Variants in UVRAG observed in about 807,000 individuals in gnomAD.
UVRAG encodes the protein UV radiation resistance-associated gene protein.
In UVRAG, 19 loss-of-function variants were observed where a neutral mutation model predicts 78.0. That is an observed-to-expected ratio of 0.24 (90% confidence interval 0.17 to 0.36). UVRAG has a LOEUF of 0.36. UVRAG is among the 10% of genes least tolerant of loss of function. The pLI is 1.00. For missense variants in UVRAG, 740 were observed against 853.8 expected, an observed-to-expected ratio of 0.87 and a Z score of 1.66; for synonymous variants, 323 against 324.6, an observed-to-expected ratio of 1.00 and a Z score of 0.05.
intron 1 of UVRAG, among the ~76,000 whole-genome samples, chr11:75,847,328 T>G (rs1946057336): frequency 1.3e-5 from 2 of 151,958 alleles, no homozygotes; most frequent in South Asian, 4.2e-4. Context: ...GGTTTCACCA[T>G]ATTGGCCAGG....
chr11:76,020,907 G>A (rs1565123442), intron 12 of UVRAG, among the ~76,000 whole-genome samples: 1 of 152,110 alleles, frequency 6.6e-6, no homozygotes, highest in Admixed American at 6.5e-5. Context: ...TGGGATGGGC[G>A]ATTCCCCTCT....
intron 14 of UVRAG, among the ~76,000 whole-genome samples, chr11:76,120,563 A>C (rs970864288): frequency 6.6e-6 from 1 of 152,162 alleles, no homozygotes; most frequent in African/African-American, 2.4e-5. Flanking sequence ...CAGCAAACCC[A>C]TTAAGCTCCA....
intron 5 of UVRAG, among the ~76,000 whole-genome samples, chr11:75,910,662 T>C (rs561699992): frequency 2.1e-4 from 32 of 151,992 alleles, no homozygotes; most frequent in African/African-American, 7.7e-4. Context: ...GACAGGGGAA[T>C]TGCAATAGGG....
chr11:76,032,612 A>G (rs1950455805), intron 12 of UVRAG, among the ~76,000 whole-genome samples: 2 of 152,340 alleles, frequency 1.3e-5, no homozygotes, highest in Non-Finnish European at 1.5e-5. Flanking sequence ...GCAAGTCAGC[A>G]GAGTCATTCT....
In UVRAG at chr11:76,143,437, C is replaced by G. The variant is rs558909128; in HGVS notation, c.*2024C>G. ...CTGGGGTCTACCCGTCAGTGCCCCC[C>G]ACCGCTGTGCAGACTCCCTGGTTGA... On this transcript the variant is annotated 3_prime_UTR_variant, in exon 15 of 15. Transcript: ENST00000356136. Among the ~76,000 whole-genome samples the G allele has an allele frequency of 2.0e-5, 3 of 152,368 alleles. No individual in the cohort carries two copies. The South Asian group carries it at 6.2e-4, about 32-fold the overall frequency.
rs1371801520 is a variant in UVRAG, at chr11:75,815,210, G to A, written c.-198G>A. The A allele has an allele frequency of 4.7e-6, 2 of 427,416 alleles. No homozygotes were observed. Among genetic ancestry groups the A allele is most frequent in the East Asian group, 3.6e-5 (1 of 27,932 alleles). The allele number at this position is 427,416 out of a possible 1,614,324, so 26.5% of individuals were successfully genotyped here. On this transcript the variant is annotated 5_prime_UTR_variant, in exon 1 of 15. Coordinates refer to ENST00000356136, the MANE Select transcript of UVRAG (RefSeq NM_003369.4). ...CAGCGGGGTGGAGGGGTTGCACTGC[G>A]GTAATATGGCTCTTCCTTAGCCAGC... is the stretch of plus-strand genomic sequence containing the variant.
chr11:75,988,124 T>G (rs537466441), intron 8 of UVRAG, among the ~76,000 whole-genome samples: 103 of 152,342 alleles, frequency 6.8e-4, no homozygotes, highest in African/African-American at 2.4e-3. Flanking sequence ...AAAATCAGTT[T>G]TAATGAGGTA....
chr11:76,124,259 A>G (rs17134576), intron 14 of UVRAG, among the ~76,000 whole-genome samples: 14,696 of 152,314 alleles, frequency 0.096, 1,640 homozygotes, highest in African/African-American at 0.27. Flanking sequence ...TTAAGTGTCT[A>G]TTCTGCGTAT....
At chr11:75,895,228 G>GT (rs1349319452) in intron 5 of UVRAG, among the ~76,000 whole-genome samples, 4 of 152,126 alleles carry the variant, frequency 2.6e-5, no homozygotes, top group African/African-American at 9.7e-5. Context: ...ACCAGAAACA[G>GT]TTTTATTATT....
intron 4 of UVRAG, among the ~76,000 whole-genome samples, chr11:75,885,349 A>C (rs1947052454): frequency 6.6e-6 from 1 of 152,126 alleles, no homozygotes; most frequent in South Asian, 2.1e-4. Context: ...ATTAATAACA[A>C]CAACAATTGT....
chr11:75,849,533 C>T (rs1335068768), intron 1 of UVRAG, among the ~76,000 whole-genome samples: 1 of 151,600 alleles, frequency 6.6e-6, no homozygotes, highest in African/African-American at 2.4e-5. Context: ...TAATAGTTAA[C>T]CTTGTAGGGT....
chr11:76,119,476 G>A (rs1591258651), intron 14 of UVRAG, among the ~76,000 whole-genome samples: 1 of 152,246 alleles, frequency 6.6e-6, no homozygotes. Context: ...ATAGCCAGGG[G>A]CCTACTTGAC....
At chr11:75,893,636 C>G (rs939274725) in intron 5 of UVRAG, among the ~76,000 whole-genome samples, 1 of 132,314 alleles carries the variant, frequency 7.6e-6, no homozygotes, top group Non-Finnish European at 1.5e-5. Flanking sequence ...AATTTGAGAC[C>G]AGCTAGGGTA....
chr11:75,913,335 G>C (rs1261936105), intron 6 of UVRAG, among the ~76,000 whole-genome samples: 1 of 152,240 alleles, frequency 6.6e-6, no homozygotes, highest in Admixed American at 6.5e-5. Context: ...GATGCTGAAA[G>C]AGGATAGTTT....
chr11:76,124,024 A>G (rs1039518043), intron 14 of UVRAG, among the ~76,000 whole-genome samples: 1 of 151,872 alleles, frequency 6.6e-6, no homozygotes, highest in South Asian at 2.1e-4. Flanking sequence ...TCGGCCTCCC[A>G]AAGTGCTGGG....
At chr11:76,087,374 G>T (rs549012748) in intron 13 of UVRAG, among the ~76,000 whole-genome samples, 2 of 152,262 alleles carry the variant, frequency 1.3e-5, no homozygotes, top group South Asian at 4.1e-4. Flanking sequence ...TTTCCTTAGA[G>T]ACTCTGACTA....
chr11:76,027,214 A>T (rs369420706), intron 12 of UVRAG, among the ~76,000 whole-genome samples: 31 of 152,242 alleles, frequency 2.0e-4, no homozygotes, highest in African/African-American at 7.2e-4. Flanking sequence ...TAGGAGATGG[A>T]AGAAGTATTT....
chr11:75,915,764 G>A (rs1417307240), intron 6 of UVRAG, among the ~76,000 whole-genome samples: 3 of 152,126 alleles, frequency 2.0e-5, no homozygotes, highest in African/African-American at 4.8e-5. Context: ...AGGCTTATTA[G>A]GTACCTTTCT....
At position 75,846,622 on chromosome 11, in the gene UVRAG, C is replaced by T. The variant is rs150994152; in HGVS notation, c.118-5261C>T. ...TTTTTTTTTTGCATGTGAATGTCCA[C>T]TTTCAGCACCATTTGTTGAAAAGAC... On this transcript the variant is annotated intron_variant, in intron 1 of 14. Transcript: ENST00000356136. Among the ~76,000 whole-genome samples the T allele has an allele frequency of 1.8e-4, 27 of 151,404 alleles. No individual in the cohort carries two copies. In the East Asian group the frequency reaches 4.5e-3, roughly 25 times the overall value.
Sources: allele counts gnomAD v4.1 joint callset (sites outside exome capture counted in the v4.1 genomes callset), GRCh38; gene constraint gnomAD v4.1.1; transcripts MANE v1.5; gene names NCBI Gene and HGNC (gene_info 2026-07-23, HGNC 2026-07-21).